CDH13: variants seen among roughly 807,000 people sequenced by gnomAD.
CDH13 encodes cadherin 13, also known as cadherin-13.
A neutral mutation model predicts 63.8 loss-of-function variants in CDH13; 24 were observed. That is an observed-to-expected ratio of 0.38 (90% confidence interval 0.27 to 0.53). The LOEUF is 0.53. Among genes scored for constraint, CDH13 ranks in the 20% least tolerant of loss-of-function variants. CDH13 has a pLI of 0.85. For synonymous variants in CDH13, 503 were observed against 355.3 expected, an observed-to-expected ratio of 1.42 and a Z score of -4.67; for missense variants, 1,049 against 903.1, an observed-to-expected ratio of 1.16 and a Z score of -2.07.
In CDH13 at chr16:82,879,295, C is replaced by A. The variant is rs371046239; in HGVS notation, c.157+20822C>A. ...CACTTTAGGTTTCTTTTTTAAGGAA[C>A]ACTGAAGGAAAATCTGAGGCTGGTA... On this transcript the variant is annotated intron_variant, in intron 2 of 13. Transcript: ENST00000567109. Among the ~76,000 whole-genome samples, 3 of 151,768 alleles carry A rather than the reference C, an allele frequency of 2.0e-5. No individual in the cohort carries two copies. In the South Asian group the frequency reaches 6.2e-4, roughly 31 times the overall value.
chr16:82,781,169 A>G (rs931070439), intron 1 of CDH13, among the ~76,000 whole-genome samples: 17 of 152,160 alleles, frequency 1.1e-4, no homozygotes, highest in Admixed American at 2.0e-4. Flanking sequence ...TATGCAGGCA[A>G]TTTTTTAAAA....
chr16:82,866,208 A>C (rs569582995), intron 2 of CDH13, among the ~76,000 whole-genome samples: 1 of 152,026 alleles, frequency 6.6e-6, no homozygotes, highest in South Asian at 2.1e-4. Context: ...GGAAGTTCCA[A>C]ACTTTCCCAC....
intron 3 of CDH13, among the ~76,000 whole-genome samples, chr16:83,092,413 T>C (rs2033962521): frequency 6.6e-6 from 1 of 152,216 alleles, no homozygotes; most frequent in Non-Finnish European, 1.5e-5. Flanking sequence ...GGCAAGGTCT[T>C]AGATGATTAA....
chr16:82,748,296 G>T (rs1192938943), intron 1 of CDH13, among the ~76,000 whole-genome samples: 1 of 152,150 alleles, frequency 6.6e-6, no homozygotes, highest in Admixed American at 6.5e-5. Context: ...CCAGAAGAGG[G>T]CTTCATTGCA....
At chr16:83,082,881 G>T (rs181175432) in intron 3 of CDH13, among the ~76,000 whole-genome samples, 1 of 152,276 alleles carries the variant, frequency 6.6e-6, no homozygotes, top group African/African-American at 2.4e-5. Flanking sequence ...CAGTGAATTC[G>T]CACGTTTGTT....
At chr16:82,929,972 C>T (rs75137204) in intron 2 of CDH13, among the ~76,000 whole-genome samples, 1 of 151,540 alleles carries the variant, frequency 6.6e-6, no homozygotes, top group Admixed American at 6.6e-5. Context: ...AAGCCCCATG[C>T]CCTCTCAGTC....
chr16:83,077,609 C>G (rs1254536606), intron 3 of CDH13, among the ~76,000 whole-genome samples: 1 of 152,112 alleles, frequency 6.6e-6, no homozygotes, highest in Non-Finnish European at 1.5e-5. Flanking sequence ...ATCTACTCTC[C>G]TATTGATGGA....
chr16:83,094,690 C>G (rs543416171), intron 3 of CDH13, among the ~76,000 whole-genome samples: 3 of 152,146 alleles, frequency 2.0e-5, no homozygotes, highest in Non-Finnish European at 4.4e-5. Context: ...CAGCAAATCC[C>G]ATCGTCCTGT....
At chr16:82,890,834 T>C (rs2041055543) in intron 2 of CDH13, among the ~76,000 whole-genome samples, 1 of 152,000 alleles carries the variant, frequency 6.6e-6, no homozygotes, top group Non-Finnish European at 1.5e-5. Context: ...GTATCTTTAG[T>C]GGAGACAGCA....
At chr16:82,743,284 T>C (rs1275521293) in intron 1 of CDH13, among the ~76,000 whole-genome samples, 4 of 152,200 alleles carry the variant, frequency 2.6e-5, no homozygotes, top group Admixed American at 6.5e-5. Context: ...TGGAGCGCGG[T>C]GGCACTCTCT....
chr16:83,166,424 C>G (rs751682387), intron 4 of CDH13, among the ~76,000 whole-genome samples: 8 of 152,090 alleles, frequency 5.3e-5, no homozygotes, highest in Non-Finnish European at 1.0e-4. Flanking sequence ...CAGCACATCT[C>G]CAAAGCCATC....
chr16:83,498,703 A>G (rs527359272), intron 7 of CDH13, among the ~76,000 whole-genome samples: 1 of 152,334 alleles, frequency 6.6e-6, no homozygotes, highest in African/African-American at 2.4e-5. Flanking sequence ...CACTATACAA[A>G]TCAATATTAT....
At chr16:82,720,941 G>T (rs867130874) in intron 1 of CDH13, among the ~76,000 whole-genome samples, 1 of 152,144 alleles carries the variant, frequency 6.6e-6, no homozygotes, top group African/African-American at 2.4e-5. Flanking sequence ...AGTGAGTGAG[G>T]TTTACTGGAG....
At chr16:82,784,467 T>G (rs2035909768) in intron 1 of CDH13, among the ~76,000 whole-genome samples, 1 of 152,196 alleles carries the variant, frequency 6.6e-6, no homozygotes, top group South Asian at 2.1e-4. Context: ...CCCCACACCC[T>G]GCTTTCAGGG....
At chr16:82,696,946 C>T (rs1196085520) in intron 1 of CDH13, among the ~76,000 whole-genome samples, 2 of 152,146 alleles carry the variant, frequency 1.3e-5, no homozygotes, top group African/African-American at 4.8e-5. Flanking sequence ...CAGTTCCTTA[C>T]CACAATAGGC....
intron 7 of CDH13, among the ~76,000 whole-genome samples, chr16:83,578,164 G>A (rs181000622): frequency 6.6e-6 from 1 of 152,174 alleles, no homozygotes; most frequent in Non-Finnish European, 1.5e-5. Flanking sequence ...AGAGTATTAT[G>A]AGTTTGTTTA....
intron 3 of CDH13, among the ~76,000 whole-genome samples, chr16:83,063,765 A>C (rs1441221299): frequency 1.3e-5 from 2 of 152,222 alleles, no homozygotes; most frequent in Admixed American, 1.3e-4. Context: ...GGCCAAAATC[A>C]AGGTGTCAGC....
In CDH13 at chr16:83,117,072, C is replaced by T. The variant is rs116010168; in HGVS notation, c.367-8313C>T. Among the ~76,000 whole-genome samples, 938 of 152,328 alleles carry T rather than the reference C, an allele frequency of 6.2e-3. 5 individuals carry two copies. The highest frequency in any genetic ancestry group is 0.037 in the Middle Eastern group (11 of 294). ...ACAGACCTGGGAGAAGGAGGAAATC[C>T]AACTAATTTATTTACTTTTATCCCT... On this transcript the variant is annotated intron_variant, in intron 3 of 13. Transcript: ENST00000567109.
chr16:83,355,230 T>G (rs2091029893), intron 6 of CDH13, among the ~76,000 whole-genome samples: 1 of 152,180 alleles, frequency 6.6e-6, no homozygotes, highest in Admixed American at 6.5e-5. Flanking sequence ...CACATAAAAT[T>G]TTTACAGCAA....
Sources: allele counts gnomAD v4.1 joint callset (sites outside exome capture counted in the v4.1 genomes callset), GRCh38; gene constraint gnomAD v4.1.1; transcripts MANE v1.5; gene names NCBI Gene and HGNC (gene_info 2026-07-23, HGNC 2026-07-21).